The following MAP3K20 variants were observed in gnomAD, a reference collection of about 807,000 sequenced individuals.
MAP3K20 encodes the protein mitogen-activated protein kinase kinase kinase 20, also known as HCCS-4.
In MAP3K20, 40 loss-of-function variants were observed where a neutral mutation model predicts 85.7. The observed-to-expected ratio is 0.47, with a 90% CI of 0.36 to 0.61. MAP3K20 has a LOEUF of 0.61. Among genes scored for constraint, MAP3K20 ranks in the 20% least tolerant of loss-of-function variants. The pLI is 0.00. For synonymous variants in MAP3K20, 325 were observed against 327.7 expected (o/e 0.99, Z 0.09); for missense variants, 817 against 961.7 (o/e 0.85, Z 1.99).
At chr2:173,239,550 C>T (rs1684733735) in intron 16 of MAP3K20, 54 bp downstream of exon 16, 1 of 1,525,548 alleles carries the variant, frequency 6.6e-7, no homozygotes. Context: ...ACTCTTTTTT[C>T]TCTTCTGTAA....
intron 16 of MAP3K20, among the ~76,000 whole-genome samples, chr2:173,242,865 C>A (rs892444106): frequency 6.6e-6 from 1 of 152,004 alleles, no homozygotes; most frequent in African/African-American, 2.4e-5. Context: ...CACCACCACA[C>A]CCGGCTAATT....
At chr2:173,142,188 A>C (rs917263010) in intron 2 of MAP3K20, among the ~76,000 whole-genome samples, 5 of 152,160 alleles carry the variant, frequency 3.3e-5, no homozygotes, top group Admixed American at 3.3e-4. Flanking sequence ...AATATATAAC[A>C]CATGGCTGGG....
chr2:173,091,847 A>G (rs992628946), intron 2 of MAP3K20, among the ~76,000 whole-genome samples: 4 of 152,218 alleles, frequency 2.6e-5, no homozygotes, highest in Non-Finnish European at 4.4e-5. Context: ...GGAATGAGAT[A>G]TAACATGGTT....
In MAP3K20 at chr2:173,201,270, CAATG is replaced by C. The variant is rs755919574; in HGVS notation, c.670-2523_670-2520del. 4.1e-4 allele frequency among the ~76,000 whole-genome samples: 62 copies of C among 152,016 alleles called. 1 individual carries two copies. Among genetic ancestry groups the C allele is most frequent in the Non-Finnish European group, 7.2e-4 (49 of 67,952 alleles). ...GCACTGCTAAACTTTACAAAGTAAA[CAATG>C]AACCTTTATAGAAGGCATGAAATTA... On this transcript the variant is annotated intron_variant, in intron 8 of 19. Transcript: ENST00000375213.
rs1049872277 is a variant in MAP3K20, at chr2:173,224,290, T to C, written c.988-5399T>C. 3 of 985,294 alleles carry C rather than the reference T, an allele frequency of 3.0e-6. No homozygotes were observed. In the African/African-American group the frequency reaches 5.2e-5, roughly 17 times the overall value. The allele number at this position is 985,294 out of a possible 1,614,324, so 61.0% of individuals were successfully genotyped here. ...CTAACTTCGGGATCCCTGCACTTTATGTAAGAATGTAAACCTGGAGTCTCA... is the reference window on the plus strand; with the variant it reads ...CTAACTTCGGGATCCCTGCACTTTACGTAAGAATGTAAACCTGGAGTCTCA... On this transcript the variant is annotated intron_variant, in intron 11 of 19. Coordinates refer to ENST00000375213, the MANE Select transcript of MAP3K20 (RefSeq NM_016653.3).
At chr2:173,117,719 A>G (rs1209036935) in intron 2 of MAP3K20, among the ~76,000 whole-genome samples, 1 of 152,250 alleles carries the variant, frequency 6.6e-6, no homozygotes, top group Non-Finnish European at 1.5e-5. Flanking sequence ...TAGAAAATGC[A>G]TCTGAATAAG....
At chr2:173,138,337 C>A (rs1224846235) in intron 2 of MAP3K20, among the ~76,000 whole-genome samples, 3 of 152,036 alleles carry the variant, frequency 2.0e-5, no homozygotes, top group African/African-American at 7.3e-5. Flanking sequence ...TGCACTTTTT[C>A]TATTTTGTGT....
At chr2:173,134,022 A>G (rs965900767) in intron 2 of MAP3K20, among the ~76,000 whole-genome samples, 1 of 150,860 alleles carries the variant, frequency 6.6e-6, no homozygotes. Flanking sequence ...AAAAACATTC[A>G]TGCCTGATGT....
intron 19 of MAP3K20, among the ~76,000 whole-genome samples, chr2:173,265,525 C>T (rs772835269): frequency 9.2e-5 from 14 of 152,188 alleles, no homozygotes; most frequent in Admixed American, 3.3e-4. Context: ...TCTCAACCTT[C>T]GGAACCTCAT....
At chr2:173,221,737 A>G (rs1684257499) in intron 11 of MAP3K20, 3 of 1,269,146 alleles carry the variant, frequency 2.4e-6, no homozygotes, top group Non-Finnish European at 2.0e-6. Flanking sequence ...CCAAAGAAGT[A>G]TATTTATGAA....
At chr2:173,236,005 C>G (rs771024634) in intron 14 of MAP3K20, among the ~76,000 whole-genome samples, 1 of 152,070 alleles carries the variant, frequency 6.6e-6, no homozygotes, top group Non-Finnish European at 1.5e-5. Flanking sequence ...GTGGCTCAAG[C>G]CTGTAATCCC....
chr2:173,076,448 C>G (rs1686864420), intron 1 of MAP3K20, among the ~76,000 whole-genome samples: 1 of 152,136 alleles, frequency 6.6e-6, no homozygotes, highest in Admixed American at 6.5e-5. Flanking sequence ...GCGAGGCCCC[C>G]AAATCAGGGT....
chr2:173,135,815 A>G (rs898641337), intron 2 of MAP3K20, among the ~76,000 whole-genome samples: 4 of 152,210 alleles, frequency 2.6e-5, no homozygotes, highest in African/African-American at 9.6e-5. Flanking sequence ...ATATGCTTCA[A>G]AACCCTTTTC....
intron 2 of MAP3K20, among the ~76,000 whole-genome samples, chr2:173,135,958 A>T (rs1350786784): frequency 6.6e-6 from 1 of 152,238 alleles, no homozygotes; most frequent in Non-Finnish European, 1.5e-5. Flanking sequence ...AACACTCAGT[A>T]GAAATGTGAG....
chr2:173,232,466 G>A lies in MAP3K20; in HGVS notation c.1203+7G>A, dbSNP rs1260898736. ...GCATATCATTCACTTCAAGGTACCT[G>A]AGAAAGGGACAACATTCCATCAGCA... On this transcript the variant is annotated splice_region_variant and intron_variant, in intron 14 of 19. Coordinates refer to ENST00000375213, the MANE Select transcript of MAP3K20 (RefSeq NM_016653.3). 1 of 1,611,134 alleles carries A rather than the reference G, an allele frequency of 6.2e-7. No homozygotes were observed. Among genetic ancestry groups the A allele is most frequent in the African/African-American group, 1.3e-5 (1 of 74,716 alleles).
intron 2 of MAP3K20, among the ~76,000 whole-genome samples, chr2:173,100,388 C>T (rs558402519): frequency 6.6e-6 from 1 of 152,328 alleles, no homozygotes; most frequent in East Asian, 1.9e-4. Flanking sequence ...GCATCGTTCA[C>T]TTGGGTCTTC....
intron 2 of MAP3K20, among the ~76,000 whole-genome samples, chr2:173,168,478 C>T (rs976478753): frequency 6.6e-6 from 1 of 152,148 alleles, no homozygotes; most frequent in African/African-American, 2.4e-5. Context: ...AAACCAGTTT[C>T]GCAGCTGTTT....
intron 2 of MAP3K20, among the ~76,000 whole-genome samples, chr2:173,136,377 TTA>T (rs1688800821): frequency 6.6e-6 from 1 of 152,234 alleles, no homozygotes; most frequent in South Asian, 2.1e-4. Context: ...ACAACTCTAA[TTA>T]TGTTTTAAAC....
rs977297096 is a variant in MAP3K20, at chr2:173,225,748, C to T, written c.988-3941C>T. On this transcript the variant is annotated intron_variant, in intron 11 of 19. Coordinates refer to ENST00000375213, the MANE Select transcript of MAP3K20 (RefSeq NM_016653.3). Reference sequence around the variant, plus strand: ...AAAACAAAATGTATTTTTAGAATTACGGCAGCATACGACCTGAATTTTGTG... The same window carrying T: ...AAAACAAAATGTATTTTTAGAATTATGGCAGCATACGACCTGAATTTTGTG... 8.7e-5 allele frequency: 86 copies of T among 985,100 alleles called. No individual in the cohort carries two copies. The Middle Eastern group carries it at 5.2e-3, about 60-fold the overall frequency. 61.0% of individuals were successfully genotyped at this position (985,100 alleles called of 1,614,324 possible). A position where few individuals can be genotyped will look rare whatever the true frequency, so the allele number is the denominator to read the frequency against.
Sources: allele counts gnomAD v4.1 joint callset (sites outside exome capture counted in the v4.1 genomes callset), GRCh38; gene constraint gnomAD v4.1.1; transcripts MANE v1.5; gene names NCBI Gene and HGNC (gene_info 2026-07-23, HGNC 2026-07-21).